The following SYTL3 variants were observed in gnomAD, a reference collection of about 807,000 sequenced individuals.
The protein encoded by SYTL3 is synaptotagmin like 3.
A neutral mutation model predicts 82.1 loss-of-function variants in SYTL3; 88 were observed. The observed-to-expected ratio is 1.07, with a 90% CI of 0.90 to 1.28. SYTL3 has a LOEUF of 1.28. Ranked by LOEUF, SYTL3 falls within the 50% of genes most tolerant of loss-of-function variation. The probability of loss-of-function intolerance (pLI) is 0.00; values close to 1 mark genes in which losing one functional copy is unlikely to be tolerated. For missense variants in SYTL3, 831 were observed against 757.6 expected (o/e 1.10, Z -1.14); for synonymous variants, 311 against 289.4 (o/e 1.07, Z -0.76).
In SYTL3 at chr6:158,751,986, G is replaced by A. The variant is rs773183939; in HGVS notation, c.1093G>A (p.Val365Ile). ...RSSQGKRKTG[V>I]QRNTVDPTFQ... is the part of the protein sequence containing the mutation. Reference sequence around the variant, plus strand: ...CTCCCAGGGAAAGCGCAAGACTGGAGTCCAAAGGAACACCGTGGACCCGAC... The same window carrying A: ...CTCCCAGGGAAAGCGCAAGACTGGAATCCAAAGGAACACCGTGGACCCGAC... Residue 365 changes from valine to isoleucine, a missense_variant, in exon 13 of 18, where the codon GTC becomes ATC. Val to Ile is a conservative substitution (Grantham distance 29, BLOSUM62 3). Coordinates refer to ENST00000611299, the MANE Select transcript of SYTL3 (RefSeq NM_001242394.2). 1 of 1,602,804 alleles carries A rather than the reference G, an allele frequency of 6.2e-7. No individual in the cohort carries two copies. The highest frequency in any genetic ancestry group is 1.7e-5 in the Admixed American group (1 of 57,932).
At chr6:158,645,148 G>A (rs376140865), upstream of SYTL3, among the ~76,000 whole-genome samples, 10 of 152,316 alleles carry the variant, frequency 6.6e-5, no homozygotes, top group East Asian at 9.6e-4. Context: ...CGCCCGGTGA[G>A]ACGTTGTTGC....
At chr6:158,721,675 C>T (rs1292866179) in intron 10 of SYTL3, among the ~76,000 whole-genome samples, 1 of 152,072 alleles carries the variant, frequency 6.6e-6, no homozygotes, top group Non-Finnish European at 1.5e-5. Context: ...TTCTGTTGCC[C>T]AGGCTGGAGT....
intron 11 of SYTL3, among the ~76,000 whole-genome samples, chr6:158,734,187 C>CA (rs977925947): frequency 6.6e-6 from 1 of 150,894 alleles, no homozygotes; most frequent in African/African-American, 2.4e-5. Context: ...GCTATAGTAC[C>CA]AAAAAACAAG....
intron 17 of SYTL3, among the ~76,000 whole-genome samples, chr6:158,763,748 C>T (rs916769828): frequency 5.9e-5 from 9 of 152,180 alleles, no homozygotes; most frequent in Non-Finnish European, 1.2e-4. Context: ...TATAGGCCTC[C>T]AAACGGGCTA....
intron 12 of SYTL3, 106 bp from the exon 13 acceptor site, chr6:158,751,822 G>A (rs3123094): frequency 0.43 from 347,263 of 803,266 alleles, 78,760 homozygotes; most frequent in African/African-American, 0.53. Context: ...CCAGCAGGAA[G>A]CCTGGTAAAG....
chr6:158,687,838 G>A (rs1312097218), intron 6 of SYTL3, among the ~76,000 whole-genome samples: 1 of 152,184 alleles, frequency 6.6e-6, no homozygotes, highest in Admixed American at 6.5e-5. Context: ...GATTACAGAA[G>A]TAATGCAAAC....
intron 5 of SYTL3, among the ~76,000 whole-genome samples, chr6:158,678,046 T>C (rs1164188987): frequency 2.0e-5 from 3 of 152,128 alleles, no homozygotes; most frequent in East Asian, 1.9e-4. Context: ...TGCACCACCA[T>C]GTCTGGCTGA....
intron 12 of SYTL3, among the ~76,000 whole-genome samples, chr6:158,747,695 A>G (rs965543046): frequency 6.6e-6 from 1 of 151,802 alleles, no homozygotes; most frequent in African/African-American, 2.4e-5. Context: ...TTCTGTTGCC[A>G]AGGCTGGTCT....
intron 6 of SYTL3, among the ~76,000 whole-genome samples, chr6:158,692,911 A>G (rs1780065027): frequency 6.6e-6 from 1 of 151,938 alleles, no homozygotes; most frequent in Admixed American, 6.6e-5. Flanking sequence ...AGATCGTGCC[A>G]CTGCACTCCA....
chr6:158,663,327 A>G lies in SYTL3; in HGVS notation c.59A>G (p.Gln20Arg). The change falls in exon 4 of 18, where the codon CAG (glutamine) becomes CGG (arginine). Residue 20 changes from glutamine to arginine, a missense_variant. Coordinates refer to ENST00000611299, the MANE Select transcript of SYTL3 (RefSeq NM_001242394.2). ...LKELEREAILQVLYRDQAVQN... is the reference protein window; with the variant it reads ...LKELEREAILRVLYRDQAVQN... ...GAGTTAGAACGCGAGGCCATTCTCC[A>G]GGTCCTGTACCGAGACCAGGCGGTT... 1.2e-6 allele frequency: 2 copies of G among 1,614,132 alleles called. No individual in the cohort carries two copies. The highest frequency in any genetic ancestry group is 1.7e-4 in the Middle Eastern group (1 of 6,010).
At position 158,650,891 on chromosome 6, in the gene SYTL3, C is replaced by G. The variant is rs537509897; in HGVS notation, c.-727+813C>G. 1.2e-4 allele frequency among the ~76,000 whole-genome samples: 19 copies of G among 152,140 alleles called. No individual in the cohort carries two copies. The South Asian group carries it at 4.0e-3, about 32-fold the overall frequency. Reference sequence around the variant, plus strand: ...ACTTGAACCTGGGAGGCGGAGGTGGCAGTGAGCCAAGATCCTGCCACTGCA... The same window carrying G: ...ACTTGAACCTGGGAGGCGGAGGTGGGAGTGAGCCAAGATCCTGCCACTGCA... On this transcript the variant is annotated intron_variant, in intron 1 of 17. Transcript: ENST00000611299.
chr6:158,692,950 C>CA (rs138918103), intron 6 of SYTL3, among the ~76,000 whole-genome samples: 22,830 of 149,094 alleles, frequency 0.15, 2,593 homozygotes, highest in African/African-American at 0.32. Flanking sequence ...GACTCCGTCT[C>CA]AAAAAAAAGA....
Position 158,751,935 on chromosome 6 carries a change from A to G in SYTL3, c.1042A>G (p.Lys348Glu). 1 of 1,596,330 alleles carries G rather than the reference A, an allele frequency of 6.3e-7. No individual in the cohort carries two copies. Among genetic ancestry groups the G allele is most frequent in the Non-Finnish European group, 8.5e-7 (1 of 1,171,776 alleles). Residue 348 changes from lysine to glutamate, a missense_variant, in exon 13 of 18, where the codon AAG becomes GAG. Physicochemically the swap from Lys to Glu is moderately conservative, Grantham distance 56. Coordinates refer to ENST00000611299, the MANE Select transcript of SYTL3 (RefSeq NM_001242394.2). ...GCTGTGTTTGGCCCCTAGGTATGTG[A>G]AGACCTACCTGTTGCCCGACAGATC... Reference protein sequence around the residue: ...EKKKKCNPYVKTYLLPDRSSQ... With the variant: ...EKKKKCNPYVETYLLPDRSSQ...
intron 8 of SYTL3, among the ~76,000 whole-genome samples, chr6:158,709,853 AT>A (rs2128458517): frequency 6.6e-6 from 1 of 152,316 alleles, no homozygotes; most frequent in East Asian, 1.9e-4. Context: ...CCTGGGCAAC[AT>A]AGCAAGACCC....
At chr6:158,714,942 C>T (rs1023499750) in intron 9 of SYTL3, among the ~76,000 whole-genome samples, 2 of 152,168 alleles carry the variant, frequency 1.3e-5, no homozygotes, top group Admixed American at 1.3e-4. Context: ...TCGTCTCATG[C>T]AATGGTCTGT....
At chr6:158,698,665 C>T (rs188959677) in intron 6 of SYTL3, among the ~76,000 whole-genome samples, 6,418 of 151,120 alleles carry the variant, frequency 0.042, 207 homozygotes, top group Middle Eastern at 0.12. Flanking sequence ...TGGCACAGGT[C>T]GGACACTGCA....
intron 5 of SYTL3, among the ~76,000 whole-genome samples, chr6:158,678,973 T>C (rs1354480105): frequency 1.3e-5 from 2 of 152,222 alleles, no homozygotes; most frequent in East Asian, 3.8e-4. Context: ...CTTTGGTTAC[T>C]AATGAATCAC....
chr6:158,658,281 T>C (rs534472735), intron 2 of SYTL3, among the ~76,000 whole-genome samples: 2 of 151,856 alleles, frequency 1.3e-5, no homozygotes, highest in Non-Finnish European at 2.9e-5. Context: ...TTAATTAAAA[T>C]TTTTTTTTGC....
intron 5 of SYTL3, among the ~76,000 whole-genome samples, chr6:158,673,639 C>G (rs984923188): frequency 1.3e-5 from 2 of 150,268 alleles, no homozygotes; most frequent in Non-Finnish European, 3.0e-5. Context: ...CGGGGTTTCA[C>G]CATGTTAGCC....
Sources: allele counts gnomAD v4.1 joint callset (sites outside exome capture counted in the v4.1 genomes callset), GRCh38; gene constraint gnomAD v4.1.1; transcripts MANE v1.5; gene names NCBI Gene and HGNC (gene_info 2026-07-23, HGNC 2026-07-21).